The following CACNA1C variants were observed in gnomAD, a reference collection of about 807,000 sequenced individuals.
CACNA1C encodes calcium voltage-gated channel subunit alpha1 C.
CACNA1C carries 30 observed loss-of-function variants against 229.0 expected under a neutral mutation model. That is an observed-to-expected ratio of 0.13 (90% CI 0.10 to 0.18). The LOEUF (loss-of-function observed/expected upper bound fraction) is 0.18. Ranked by LOEUF, CACNA1C falls within the 10% of genes least tolerant of loss-of-function variation. CACNA1C has a pLI of 1.00. For missense variants in CACNA1C, 1,658 were observed against 2,845.0 expected, an observed-to-expected ratio of 0.58 and a Z score of 9.49; for synonymous variants, 1,114 against 1,132.5, an observed-to-expected ratio of 0.98 and a Z score of 0.33.
intron 3 of CACNA1C, among the ~76,000 whole-genome samples, chr12:2,191,400 C>T (rs1318129314): frequency 6.6e-6 from 1 of 152,106 alleles, no homozygotes; most frequent in Non-Finnish European, 1.5e-5. Flanking sequence ...TGGGGACTGG[C>T]CCTCTGCAGT....
At chr12:2,127,979 A>G (rs1442127735) in intron 3 of CACNA1C, among the ~76,000 whole-genome samples, 1 of 152,172 alleles carries the variant, frequency 6.6e-6, no homozygotes, top group Non-Finnish European at 1.5e-5. Flanking sequence ...TTATTTGTTT[A>G]CTTGATGGTA....
At chr12:2,211,903 T>C (rs977531244) in intron 3 of CACNA1C, among the ~76,000 whole-genome samples, 6 of 151,924 alleles carry the variant, frequency 3.9e-5, no homozygotes, top group African/African-American at 1.2e-4. Context: ...GTATTTTTAG[T>C]AGAGATGGGG....
chr12:2,168,802 C>T (rs1303227193), intron 3 of CACNA1C, among the ~76,000 whole-genome samples: 1 of 152,164 alleles, frequency 6.6e-6, no homozygotes, highest in Admixed American at 6.5e-5. Context: ...AGAAGCTATT[C>T]TATGATGGTC....
At chr12:2,339,642 T>C (rs1350022436) in intron 3 of CACNA1C, among the ~76,000 whole-genome samples, 1 of 152,226 alleles carries the variant, frequency 6.6e-6, no homozygotes, top group Non-Finnish European at 1.5e-5. Flanking sequence ...TTTTTTGCTT[T>C]GTAAATTTTT....
intron 5 of CACNA1C, among the ~76,000 whole-genome samples, chr12:2,482,620 T>G (rs1309720400): frequency 6.6e-6 from 1 of 152,186 alleles, no homozygotes; most frequent in African/African-American, 2.4e-5. Context: ...GCCTTTGGTG[T>G]TCCAGGGCAG....
chr12:2,019,582 AG>A (rs1565942007), intron 1 of CACNA1C, among the ~76,000 whole-genome samples: 27 of 143,958 alleles, frequency 1.9e-4, no homozygotes, highest in East Asian at 1.5e-3. Context: ...AAAGAAAGAG[AG>A]AGAGAAAGAA....
At position 2,593,359 on chromosome 12, in the gene CACNA1C, G is replaced by A; in HGVS notation, c.2663+14G>A. 2 of 1,613,160 alleles carry A rather than the reference G, an allele frequency of 1.2e-6. No individual in the cohort carries two copies. Among genetic ancestry groups the A allele is most frequent in the Non-Finnish European group, 8.5e-7 (1 of 1,179,674 alleles). On this transcript the variant is annotated intron_variant, in intron 19 of 46. Transcript: ENST00000399655. ...CTCTAACAACAGGTGTGCAGCAATG[G>A]TGGGGAAGGTGGGGTCCTGCTCTCT... is the stretch of plus-strand genomic sequence containing the variant.
chr12:2,621,070 C>T (rs373038155), intron 29 of CACNA1C, among the ~76,000 whole-genome samples: 3 of 152,116 alleles, frequency 2.0e-5, no homozygotes, highest in African/African-American at 7.2e-5. Context: ...TAAAATGCAC[C>T]CCTCTGTAAC....
At chr12:2,103,769 G>A (rs981293379) in intron 1 of CACNA1C, among the ~76,000 whole-genome samples, 13 of 152,146 alleles carry the variant, frequency 8.5e-5, no homozygotes, top group Non-Finnish European at 1.8e-4. Context: ...TATAAGGAAG[G>A]GATCCAGTTT....
intron 9 of CACNA1C, among the ~76,000 whole-genome samples, chr12:2,513,458 G>A (rs1046249447): frequency 6.6e-6 from 1 of 152,204 alleles, no homozygotes; most frequent in East Asian, 1.9e-4. Flanking sequence ...GTAGTGAAAG[G>A]TTTTCCTTAA....
chr12:2,038,696 G>T (rs1190173149), intron 1 of CACNA1C, among the ~76,000 whole-genome samples: 2 of 152,116 alleles, frequency 1.3e-5, no homozygotes, highest in Admixed American at 6.5e-5. Context: ...TAGTTTTGCC[G>T]GGCAGCTTTG....
intron 9 of CACNA1C, among the ~76,000 whole-genome samples, chr12:2,547,786 C>G (rs1202187701): frequency 6.6e-6 from 1 of 152,214 alleles, no homozygotes; most frequent in Admixed American, 6.5e-5. Context: ...GGAGCTCTTC[C>G]TCTGGGCAGT....
rs778066693 is a variant in CACNA1C, at chr12:2,467,935, G to T, written c.757+10229G>T. Among the ~76,000 whole-genome samples the T allele has an allele frequency of 6.6e-6, 1 of 152,216 alleles. No individual in the cohort carries two copies. Among genetic ancestry groups the T allele is most frequent in the Non-Finnish European group, 1.5e-5 (1 of 68,042 alleles). ...TCTACAAAGAGTGAGTGATGGGGGT[G>T]CCATGGATAAGGAGGAGATTCTACC... is the stretch of plus-strand genomic sequence containing the variant. On this transcript the variant is annotated intron_variant, in intron 5 of 46. Coordinates refer to ENST00000399655, the MANE Select transcript of CACNA1C (RefSeq NM_000719.7). The surrounding 1 kb of genome is among the most constrained non-coding windows in gnomAD (Gnocchi z 4.6).
chr12:2,376,846 G>A (rs934194203), intron 3 of CACNA1C, among the ~76,000 whole-genome samples: 2 of 152,164 alleles, frequency 1.3e-5, no homozygotes, highest in African/African-American at 2.4e-5. Context: ...ACAGAGATGG[G>A]GTGAAAGATG....
At chr12:2,599,089 T>C (rs2070417463) in intron 21 of CACNA1C, among the ~76,000 whole-genome samples, 1 of 152,186 alleles carries the variant, frequency 6.6e-6, no homozygotes, top group Non-Finnish European at 1.5e-5. Flanking sequence ...TCAGTGCCCT[T>C]CTACAGAGCT....
chr12:2,612,271 C>T, intron 29 of CACNA1C: 1 of 441,250 alleles, frequency 2.3e-6, no homozygotes. Context: ...CTGAGCTGAA[C>T]CTCTGAGCCT....
At chr12:2,004,240 C>A (rs1244906388) in intron 1 of CACNA1C, 1 of 1,610,202 alleles carries the variant, frequency 6.2e-7, no homozygotes, top group Non-Finnish European at 8.5e-7. Flanking sequence ...CCCGCCTCCA[C>A]CCCAACCCTG....
rs1437587545 is a variant in CACNA1C, at chr12:2,654,302, T to C, written c.4140+402T>C. Among the ~76,000 whole-genome samples, 1 of 152,164 alleles carries C rather than the reference T, an allele frequency of 6.6e-6. No individual in the cohort carries two copies. Among genetic ancestry groups the C allele is most frequent in the African/African-American group, 2.4e-5 (1 of 41,426 alleles). ...GTCCAGGTCTGATGGGCCTGAGAGT[T>C]ACCCCAACCAGATTCATTTGAAGCT... On this transcript the variant is annotated intron_variant, in intron 33 of 46. Transcript: ENST00000399655. This position sits in a 1 kb window ranked among gnomAD's most constrained non-coding sequence, Gnocchi z 4.4.
chr12:2,250,029 C>T (rs2075018498), intron 3 of CACNA1C, among the ~76,000 whole-genome samples: 2 of 152,148 alleles, frequency 1.3e-5, no homozygotes, highest in African/African-American at 2.4e-5. Flanking sequence ...AGGATGGTCT[C>T]GATCTCCTGA....
Sources: allele counts gnomAD v4.1 joint callset (sites outside exome capture counted in the v4.1 genomes callset), GRCh38; gene constraint gnomAD v4.1.1; non-coding constraint Gnocchi (gnomAD v3.1); transcripts MANE v1.5; gene names NCBI Gene and HGNC (gene_info 2026-07-23, HGNC 2026-07-21).